ATP9A: variants seen among roughly 807,000 people sequenced by gnomAD.
ATP9A encodes the protein ATPase phospholipid transporting 9A.
A neutral mutation model predicts 144.1 loss-of-function variants in ATP9A; 52 were observed. That is an observed-to-expected ratio of 0.36 (90% CI 0.29 to 0.45). The LOEUF is 0.45. Among genes scored for constraint, ATP9A ranks in the 20% least tolerant of loss-of-function variants. ATP9A has a pLI of 1.00. For missense variants in ATP9A, 947 were observed against 1,392.7 expected (o/e 0.68, Z 5.09); for synonymous variants, 582 against 557.4 (o/e 1.04, Z -0.62).
chr20:51,746,388 T>C (rs1471451764), intron 1 of ATP9A, among the ~76,000 whole-genome samples: 2 of 152,236 alleles, frequency 1.3e-5, no homozygotes, highest in Non-Finnish European at 2.9e-5. Flanking sequence ...GGACAGCAGT[T>C]GTTAAGAGGG....
At chr20:51,680,946 C>T (rs1375540795) in intron 9 of ATP9A, among the ~76,000 whole-genome samples, 3 of 152,142 alleles carry the variant, frequency 2.0e-5, no homozygotes, top group Admixed American at 6.6e-5. Flanking sequence ...CCTCCCCTAC[C>T]GCACCCCTCC....
At position 51,598,444 on chromosome 20, in the gene ATP9A, C is replaced by CG. The variant is rs2077128543; in HGVS notation, c.*2766dup. ...AATTAAATTGGCTGTCAAAGACTTA[C>CG]GGCCCATGGAGCTCCCAGGTGACAG... On this transcript the variant is annotated 3_prime_UTR_variant, in exon 28 of 28. Coordinates refer to ENST00000338821, the MANE Select transcript of ATP9A (RefSeq NM_006045.3). 6.6e-6 allele frequency: 1 copy of CG among 152,162 alleles called. No individual in the cohort carries two copies. The highest frequency in any genetic ancestry group is 1.5e-5 in the Non-Finnish European group (1 of 68,044). 9.4% of individuals were successfully genotyped at this position (152,162 alleles called of 1,614,324 possible).
intron 4 of ATP9A, among the ~76,000 whole-genome samples, chr20:51,705,484 A>T (rs1486278067): frequency 6.6e-6 from 1 of 152,210 alleles, no homozygotes; most frequent in Non-Finnish European, 1.5e-5. Context: ...AAGATACGCA[A>T]AAGAGCATAG....
At chr20:51,623,530 C>T (rs1431605588) in intron 18 of ATP9A, among the ~76,000 whole-genome samples, 1 of 152,028 alleles carries the variant, frequency 6.6e-6, no homozygotes, top group East Asian at 1.9e-4. Context: ...CCTATAATCC[C>T]AACACTTTGG....
At chr20:51,666,568 C>G (rs1208666124) in intron 13 of ATP9A, among the ~76,000 whole-genome samples, 1 of 151,618 alleles carries the variant, frequency 6.6e-6, no homozygotes, top group Non-Finnish European at 1.5e-5. Flanking sequence ...GTAATCCCAG[C>G]TACTAGGAAG....
intron 4 of ATP9A, among the ~76,000 whole-genome samples, chr20:51,711,852 ATTTTTTTT>A (rs11469394): frequency 1.2e-4 from 14 of 120,946 alleles, no homozygotes; most frequent in Admixed American, 2.8e-4. Context: ...TTCAATTTCA[ATTTTTTTT>A]TTTTTTTTTT....
intron 1 of ATP9A, among the ~76,000 whole-genome samples, chr20:51,740,374 T>C (rs6091360): frequency 0.23 from 34,485 of 148,580 alleles, 4,307 homozygotes; most frequent in Non-Finnish European, 0.27. Context: ...AAACCAATTT[T>C]AGTTGGGAGT....
chr20:51,745,261 C>T lies in ATP9A; in HGVS notation c.69-15283G>A, dbSNP rs182413043. Among the ~76,000 whole-genome samples, 368 of 137,040 alleles carry T rather than the reference C, an allele frequency of 2.7e-3. 8 individuals are homozygous for T. The highest frequency in any genetic ancestry group is 0.012 in the Middle Eastern group (3 of 246). 89.9% of individuals were successfully genotyped at this position (137,040 alleles called of 152,430 possible). On this transcript the variant is annotated intron_variant, in intron 1 of 27. Coordinates refer to ENST00000338821, the MANE Select transcript of ATP9A (RefSeq NM_006045.3). The stretch of plus-strand genomic sequence containing the variant: ...CAGCCTGGGTGACAGAGCGAGACTC[C>T]GTCTAAAAAAAAAAAAAAAAAAAAT...
At chr20:51,661,526 CTTTTTTTTT>C (rs533280164) in intron 13 of ATP9A, among the ~76,000 whole-genome samples, 2 of 108,732 alleles carry the variant, frequency 1.8e-5, no homozygotes, top group East Asian at 2.4e-4. Flanking sequence ...CCATGCCCAG[CTTTTTTTTT>C]TTTTTTTTTT....
chr20:51,624,262 C>CT (rs1728088236), intron 18 of ATP9A, among the ~76,000 whole-genome samples: 2 of 152,188 alleles, frequency 1.3e-5, no homozygotes, highest in African/African-American at 4.8e-5. Flanking sequence ...CTAACCTGTC[C>CT]TCCTGCCATG....
intron 18 of ATP9A, among the ~76,000 whole-genome samples, chr20:51,622,669 C>T (rs2077231690): frequency 6.6e-6 from 1 of 152,174 alleles, no homozygotes; most frequent in Non-Finnish European, 1.5e-5. Flanking sequence ...TCTTCCGTAT[C>T]GTGCATTAGC....
Position 51,596,528 on chromosome 20 carries a change from T to G in ATP9A, c.*4683A>C, listed in dbSNP as rs943553870. ...GAAGCTTATGGTTTTCATCTTATTT[T>G]CCATTTATATCTATCACCTTTTGAA... On this transcript the variant is annotated 3_prime_UTR_variant, in exon 28 of 28. Transcript: ENST00000338821. 1 of 152,168 alleles carries G rather than the reference T, an allele frequency of 6.6e-6. No individual in the cohort carries two copies. The highest frequency in any genetic ancestry group is 1.5e-5 in the Non-Finnish European group (1 of 68,028). The allele number at this position is 152,168 out of a possible 1,614,324, so 9.4% of individuals were successfully genotyped here.
chr20:51,761,720 A>G (rs1016654051), intron 1 of ATP9A, among the ~76,000 whole-genome samples: 5 of 151,790 alleles, frequency 3.3e-5, no homozygotes, highest in African/African-American at 1.2e-4. Flanking sequence ...AGGTTGCGCC[A>G]CTGCACTCCA....
chr20:51,688,335 G>A (rs1240322810), intron 9 of ATP9A, among the ~76,000 whole-genome samples: 4 of 152,200 alleles, frequency 2.6e-5, no homozygotes, highest in African/African-American at 9.7e-5. Context: ...GCTCACATCT[G>A]TAATCCCAGC....
At chr20:51,608,939 G>GTGTA (rs1312116004) in intron 24 of ATP9A, among the ~76,000 whole-genome samples, 3 of 151,758 alleles carry the variant, frequency 2.0e-5, no homozygotes, top group Non-Finnish European at 2.9e-5. Context: ...GTGTGTGTGT[G>GTGTA]TGTGTGTGTG....
chr20:51,643,998 G>A (rs2037389382), intron 14 of ATP9A, among the ~76,000 whole-genome samples: 1 of 152,036 alleles, frequency 6.6e-6, no homozygotes, highest in South Asian at 2.1e-4. Context: ...AGCCAGGCAT[G>A]ATGGCGGGTG....
Position 51,601,059 on chromosome 20 carries a change from G to A in ATP9A, c.*152C>T, listed in dbSNP as rs965668902. 124 of 942,398 alleles carry A rather than the reference G, an allele frequency of 1.3e-4. No individual in the cohort carries two copies. The Middle Eastern group carries it at 1.7e-3, about 13-fold the overall frequency. 58.4% of individuals were successfully genotyped at this position (942,398 alleles called of 1,614,324 possible). A position where few individuals can be genotyped will look rare whatever the true frequency, so the allele number is the denominator to read the frequency against. ...CTCCCTCCCGTTGATGCAGCGTTAG[G>A]ACTCCGTTTAGGCGCAGAGCCACTT... is the stretch of plus-strand genomic sequence containing the variant. On this transcript the variant is annotated 3_prime_UTR_variant, in exon 28 of 28. Coordinates refer to ENST00000338821, the MANE Select transcript of ATP9A (RefSeq NM_006045.3).
chr20:51,748,948 T>TAGATAGATAGAC lies in ATP9A; in HGVS notation c.69-18971_69-18970insGTCTATCTATCT, dbSNP rs765791447. Reference sequence around the variant, plus strand: ...ATAGATAGATAGATAGATAGATAGATAGACAGACAGACAGACAGACAGACA... The same window carrying TAGATAGATAGAC: ...ATAGATAGATAGATAGATAGATAGATAGATAGATAGACAGACAGACAGACAGACAGACAGACA... On this transcript the variant is annotated intron_variant, in intron 1 of 27. Coordinates refer to ENST00000338821, the MANE Select transcript of ATP9A (RefSeq NM_006045.3). Among the ~76,000 whole-genome samples, 983 of 137,866 alleles carry TAGATAGATAGAC rather than the reference T, an allele frequency of 7.1e-3. 7 individuals carry two copies. The highest frequency in any genetic ancestry group is 7.0e-3 in the African/African-American group (251 of 36,090). 90.4% of individuals were successfully genotyped at this position (137,866 alleles called of 152,430 possible).
At chr20:51,641,334 G>C (rs2122749343) in intron 14 of ATP9A, among the ~76,000 whole-genome samples, 1 of 152,130 alleles carries the variant, frequency 6.6e-6, no homozygotes, top group East Asian at 1.9e-4. Context: ...ACTCCAGCCT[G>C]GACAACAGAG....
Sources: gnomAD v4.1 joint callset for allele counts (sites outside exome capture counted in the v4.1 genomes callset) on GRCh38, gnomAD v4.1.1 for gene constraint, MANE v1.5 for transcripts, NCBI Gene and HGNC (gene_info 2026-07-23, HGNC 2026-07-21) for gene names.